TTC21B: variants seen among roughly 807,000 people sequenced by gnomAD.
TTC21B encodes the protein tetratricopeptide repeat protein 21B.
Under a neutral mutation model 175.1 loss-of-function variants are expected in TTC21B, and 127 were observed. The observed-to-expected ratio is 0.73, with a 90% CI of 0.63 to 0.84. The LOEUF (loss-of-function observed/expected upper bound fraction) is 0.84, where lower values mean the gene tolerates loss of function less well. Ranked by LOEUF, TTC21B falls within the 40% of genes least tolerant of loss-of-function variation. The pLI is 0.00. For missense variants in TTC21B, 1,561 were observed against 1,558.3 expected (o/e 1.00, Z -0.03); for synonymous variants, 524 against 524.5 (o/e 1.00, Z 0.01).
At chr2:165,911,116 A>G (rs1173623194) in intron 18 of TTC21B, among the ~76,000 whole-genome samples, 3 of 152,234 alleles carry the variant, frequency 2.0e-5, no homozygotes, top group East Asian at 3.8e-4. Flanking sequence ...CTATATTTCT[A>G]TAACACAATT....
chr2:165,873,974 A>G lies in TTC21B; in HGVS notation c.*781T>C, dbSNP rs1684589048. On this transcript the variant is annotated 3_prime_UTR_variant, in exon 29 of 29. Coordinates refer to ENST00000243344, the MANE Select transcript of TTC21B (RefSeq NM_024753.5). ...ATTTATAAAACCTTTATTAAAATAT[A>G]TATTTAAAATATATATATTGTCTTT... The G allele has an allele frequency of 6.6e-6, 1 of 151,896 alleles. No individual in the cohort carries two copies. Among genetic ancestry groups the G allele is most frequent in the African/African-American group, 2.4e-5 (1 of 41,410 alleles). 9.4% of individuals were successfully genotyped at this position (151,896 alleles called of 1,614,324 possible).
At chr2:165,924,526 A>G (rs766883875) in intron 12 of TTC21B, 23 bp downstream of exon 12, 3 of 1,610,364 alleles carry the variant, frequency 1.9e-6, no homozygotes, top group African/African-American at 1.3e-5. Context: ...AAAAAGGTTA[A>G]AAGTTTTTAA....
chr2:165,930,704 C>T (rs1686857267), intron 8 of TTC21B, among the ~76,000 whole-genome samples: 1 of 100,802 alleles, frequency 9.9e-6, no homozygotes, highest in African/African-American at 2.9e-5. Flanking sequence ...ACAGGAAAAC[C>T]ATTATTTTAT....
intron 1 of TTC21B, 88 bp from the exon 2 acceptor site, chr2:165,949,812 TAATGTAA>T (rs1449296815): frequency 7.4e-7 from 1 of 1,354,668 alleles, no homozygotes; most frequent in African/African-American, 1.5e-5. Context: ...ACATCTAGAA[TAATGTAA>T]AATTCAGGCA....
At chr2:165,911,863 C>T (rs191026941) in intron 17 of TTC21B, among the ~76,000 whole-genome samples, 14 of 152,136 alleles carry the variant, frequency 9.2e-5, no homozygotes, top group Admixed American at 6.5e-4. Context: ...TGGGGTTTCA[C>T]CATGTTGGCC....
intron 24 of TTC21B, 77 bp from the exon 25 acceptor site, chr2:165,888,551 A>G: frequency 1.2e-5 from 14 of 1,164,930 alleles, no homozygotes; most frequent in Non-Finnish European, 1.6e-5. Flanking sequence ...CAGCTTTTGT[A>G]CACAAAAGCT....
chr2:165,930,419 C>T, intron 8 of TTC21B, 55 bp from the exon 9 acceptor site: 1 of 1,265,680 alleles, frequency 7.9e-7, no homozygotes, highest in Admixed American at 2.3e-5. Context: ...TCTACTGAGA[C>T]TAAAGGATTA....
At chr2:165,883,549 G>A (rs568631604) in intron 26 of TTC21B, among the ~76,000 whole-genome samples, 2 of 152,274 alleles carry the variant, frequency 1.3e-5, no homozygotes, top group African/African-American at 2.4e-5. Context: ...AACACTTTCC[G>A]TTAAGTAGGG....
intron 4 of TTC21B, among the ~76,000 whole-genome samples, chr2:165,944,242 T>C (rs1259654271): frequency 6.6e-6 from 1 of 152,186 alleles, no homozygotes; most frequent in African/African-American, 2.4e-5. Flanking sequence ...TCCATCTTAC[T>C]GTTCTGCCAG....
At chr2:165,932,546 G>A (rs556445753) in intron 7 of TTC21B, among the ~76,000 whole-genome samples, 57 of 152,036 alleles carry the variant, frequency 3.7e-4, no homozygotes, top group African/African-American at 1.2e-3. Context: ...GAGGTATAAT[G>A]GGATTTTATC....
intron 26 of TTC21B, among the ~76,000 whole-genome samples, chr2:165,882,314 T>C (rs560901081): frequency 1.3e-5 from 2 of 152,218 alleles, no homozygotes; most frequent in South Asian, 4.1e-4. Flanking sequence ...GATATTTATT[T>C]GCAAGCTTTA....
intron 27 of TTC21B, 45 bp downstream of exon 27, chr2:165,880,634 C>T: frequency 6.2e-7 from 1 of 1,605,364 alleles, no homozygotes; most frequent in Non-Finnish European, 8.5e-7. Context: ...TTAATAAATA[C>T]AACATAATTT....
chr2:165,943,491 C>G (rs928533073), intron 4 of TTC21B, 150 bp from the exon 5 acceptor site: 4 of 685,692 alleles, frequency 5.8e-6, no homozygotes, highest in Non-Finnish European at 7.3e-6. Context: ...AGTGAAATCA[C>G]TTTTGAACCC....
chr2:165,874,107 G>T lies in TTC21B; in HGVS notation c.*648C>A, dbSNP rs1394966494. On this transcript the variant is annotated 3_prime_UTR_variant, in exon 29 of 29. Transcript: ENST00000243344. ...CATGCCTGTAATCCCAGCACTTTGG[G>T]AGGCCGAGGCAGGTGGATCACAAGG... The T allele has an allele frequency of 6.6e-6, 1 of 152,218 alleles. No homozygotes were observed. Among genetic ancestry groups the T allele is most frequent in the East Asian group, 1.9e-4 (1 of 5,196 alleles). 9.4% of individuals were successfully genotyped at this position (152,218 alleles called of 1,614,324 possible). A position where few individuals can be genotyped will look rare whatever the true frequency, so the allele number is the denominator to read the frequency against.
Position 165,935,210 on chromosome 2 carries a change from G to A in TTC21B, c.711-2153C>T, listed in dbSNP as rs1194735820. 3.3e-5 allele frequency among the ~76,000 whole-genome samples: 5 copies of A among 152,126 alleles called. No individual in the cohort carries two copies. In the East Asian group the frequency reaches 5.8e-4, roughly 18 times the overall value. ...ATTTACCCAAAACAGTTACATATGG[G>A]GAAACATTCTTCTATTACACTGAAT... On this transcript the variant is annotated intron_variant, in intron 6 of 28. Coordinates refer to ENST00000243344, the MANE Select transcript of TTC21B (RefSeq NM_024753.5).
In TTC21B at chr2:165,945,633, C is replaced by A. The variant is rs780747938; in HGVS notation, c.320G>T (p.Gly107Val). Residue 107 changes from glycine to valine, a missense_variant, in exon 4 of 29, where the codon GGA becomes GTA. Physicochemically the swap from Gly to Val is moderately radical, Grantham distance 109. Transcript: ENST00000243344. ...ARVKEQRKGA[G>V]EKALYHAGLF... ...GCCTGCATGGTATAAGGCTTTCTCT[C>A]CAGCTCCTTTACGTTGTTCCTTCAC... The A allele has an allele frequency of 3.1e-6, 5 of 1,613,780 alleles. No individual in the cohort carries two copies. The South Asian group carries it at 5.5e-5, about 18-fold the overall frequency.
chr2:165,938,118 C>T (rs1466349921), intron 6 of TTC21B, among the ~76,000 whole-genome samples: 1 of 77,910 alleles, frequency 1.3e-5, no homozygotes, highest in African/African-American at 6.5e-5. Flanking sequence ...TGTCCAGAAG[C>T]ACTCATCTAA....
At chr2:165,935,036 C>G (rs776548096) in intron 6 of TTC21B, among the ~76,000 whole-genome samples, 14 of 152,126 alleles carry the variant, frequency 9.2e-5, no homozygotes, top group Non-Finnish European at 1.3e-4. Context: ...TGGGCCTGGG[C>G]TTTTATGAAA....
chr2:165,906,087 G>A lies in TTC21B; in HGVS notation c.2568+1591C>T, dbSNP rs551897480. Among the ~76,000 whole-genome samples the A allele has an allele frequency of 2.8e-3, 420 of 151,744 alleles. 2 individuals carry two copies. Among genetic ancestry groups the A allele is most frequent in the Non-Finnish European group, 4.3e-3 (289 of 67,924 alleles). The stretch of plus-strand genomic sequence containing the variant: ...ATGTTACACTTTTAAATAACCCACC[G>A]GTCCAAGAAGCAATCAAAGTGAAAA... On this transcript the variant is annotated intron_variant, in intron 19 of 28. Coordinates refer to ENST00000243344, the MANE Select transcript of TTC21B (RefSeq NM_024753.5).
Sources: allele counts gnomAD v4.1 joint callset (sites outside exome capture counted in the v4.1 genomes callset), GRCh38; gene constraint gnomAD v4.1.1; transcripts MANE v1.5; gene names NCBI Gene and HGNC (gene_info 2026-07-23, HGNC 2026-07-21).